The following VAT1L variants were observed in gnomAD, a reference collection of about 807,000 sequenced individuals.
VAT1L encodes putative NADPH-dependent quinone oxidoreductase VAT1L.
VAT1L carries 34 observed loss-of-function variants against 44.1 expected under a neutral mutation model. The ratio of observed to expected loss-of-function variants is 0.77; its 90% confidence interval spans 0.59 to 1.03. The LOEUF is 1.03. Ranked by LOEUF, VAT1L falls within the 50% of genes least tolerant of loss-of-function variation. VAT1L has a pLI of 0.00. For missense variants in VAT1L, 615 were observed against 538.8 expected, an observed-to-expected ratio of 1.14 and a Z score of -1.40; for synonymous variants, 253 against 202.2, an observed-to-expected ratio of 1.25 and a Z score of -2.13.
intron 3 of VAT1L, among the ~76,000 whole-genome samples, chr16:77,856,590 A>G (rs1345197678): frequency 6.6e-6 from 1 of 152,178 alleles, no homozygotes; most frequent in East Asian, 1.9e-4. Context: ...TCTGTCGATC[A>G]GGGTCATATA....
chr16:77,880,961 G>A (rs1046519127), intron 6 of VAT1L, among the ~76,000 whole-genome samples: 1 of 152,126 alleles, frequency 6.6e-6, no homozygotes, highest in African/African-American at 2.4e-5. Flanking sequence ...GTATTCCATG[G>A]TGTATACGTC....
chr16:77,885,364 T>A (rs2017199251), intron 7 of VAT1L, among the ~76,000 whole-genome samples: 1 of 152,136 alleles, frequency 6.6e-6, no homozygotes, highest in Admixed American at 6.5e-5. Context: ...TAAGAACCCC[T>A]AATGGAGCCT....
chr16:77,911,689 G>A (rs2017501055), intron 7 of VAT1L, among the ~76,000 whole-genome samples: 1 of 152,112 alleles, frequency 6.6e-6, no homozygotes, highest in African/African-American at 2.4e-5. Context: ...TGGGGAAGGA[G>A]CTTGCACGTG....
chr16:77,946,047 G>A (rs527844365), intron 7 of VAT1L, among the ~76,000 whole-genome samples: 11 of 152,020 alleles, frequency 7.2e-5, no homozygotes, highest in South Asian at 2.1e-4. Context: ...TGATCTGCCC[G>A]TCTCGGCCTC....
intron 7 of VAT1L, among the ~76,000 whole-genome samples, chr16:77,909,256 G>A (rs547557714): frequency 2.0e-5 from 3 of 152,298 alleles, no homozygotes; most frequent in Admixed American, 1.3e-4. Context: ...TGAAAATTAG[G>A]TGATGATATT....
chr16:77,945,079 C>A (rs74914372), intron 7 of VAT1L, among the ~76,000 whole-genome samples: 7,016 of 152,166 alleles, frequency 0.046, 236 homozygotes, highest in Non-Finnish European at 0.072. Flanking sequence ...TACAGATTAT[C>A]CAGCTTAAGT....
At chr16:77,892,687 C>T (rs2017280628) in intron 7 of VAT1L, 1 of 728,652 alleles carries the variant, frequency 1.4e-6, no homozygotes, top group East Asian at 2.7e-5. Flanking sequence ...AGAACTTCAT[C>T]CTAAAGCATA....
At chr16:77,805,952 T>C (rs141383215) in intron 1 of VAT1L, among the ~76,000 whole-genome samples, 66 of 142,044 alleles carry the variant, frequency 4.6e-4, no homozygotes, top group African/African-American at 1.6e-3. Context: ...AACCACCACC[T>C]CCAGGGTTCA....
chr16:77,963,723 G>A (rs1225399260), intron 7 of VAT1L, among the ~76,000 whole-genome samples: 1 of 151,874 alleles, frequency 6.6e-6, no homozygotes, highest in African/African-American at 2.4e-5. Flanking sequence ...TGAGACTCCC[G>A]TGGCTCCACA....
intron 7 of VAT1L, among the ~76,000 whole-genome samples, chr16:77,943,449 G>T (rs1259625243): frequency 1.4e-5 from 2 of 146,488 alleles, no homozygotes; most frequent in Non-Finnish European, 3.0e-5. Context: ...TCCCGGGCTG[G>T]AGTGCAGCGG....
chr16:77,872,246 A>G (rs899652638), intron 4 of VAT1L, among the ~76,000 whole-genome samples: 2 of 152,024 alleles, frequency 1.3e-5, no homozygotes, highest in African/African-American at 4.8e-5. Context: ...TCCCCTGCGT[A>G]CCCACCTCCA....
rs1567529076 is a variant in VAT1L, at chr16:77,978,432, T to C, written c.*737T>C. On this transcript the variant is annotated 3_prime_UTR_variant, in exon 9 of 9. Coordinates refer to ENST00000302536, the MANE Select transcript of VAT1L (RefSeq NM_020927.3). ...AAAATACATCTCATGGGCAGGATTC[T>C]TCCTGCTCCATATCTGTTTCAATTT... 6.6e-6 allele frequency: 1 copy of C among 152,262 alleles called. No homozygotes were observed. Among genetic ancestry groups the C allele is most frequent in the African/African-American group, 2.4e-5 (1 of 41,464 alleles). 9.4% of individuals were successfully genotyped at this position (152,262 alleles called of 1,614,324 possible).
At chr16:77,952,541 T>C (rs1597118453) in intron 7 of VAT1L, among the ~76,000 whole-genome samples, 1 of 152,060 alleles carries the variant, frequency 6.6e-6, no homozygotes, top group South Asian at 2.1e-4. Context: ...GCTGATCATA[T>C]GCCAGCACTA....
chr16:77,876,559 C>T (rs2017089422), intron 5 of VAT1L, 86 bp downstream of exon 5: 1 of 1,220,264 alleles, frequency 8.2e-7, no homozygotes, highest in South Asian at 1.2e-5. Context: ...GTGAATTGTG[C>T]TGATATGTTG....
At chr16:77,817,599 A>C (rs2016378427) in intron 2 of VAT1L, among the ~76,000 whole-genome samples, 1 of 152,184 alleles carries the variant, frequency 6.6e-6, no homozygotes, top group African/African-American at 2.4e-5. Flanking sequence ...GTAGAACAGA[A>C]CTGGCCATGG....
intron 1 of VAT1L, among the ~76,000 whole-genome samples, chr16:77,790,342 TG>T (rs1336393697): frequency 6.6e-6 from 1 of 152,142 alleles, no homozygotes; most frequent in Non-Finnish European, 1.5e-5. Context: ...TGAACCAAGT[TG>T]TTTGATCCCA....
chr16:77,862,480 G>A (rs1265338512), intron 3 of VAT1L, among the ~76,000 whole-genome samples: 1 of 152,010 alleles, frequency 6.6e-6, no homozygotes, highest in Non-Finnish European at 1.5e-5. Flanking sequence ...ACCGGGCATG[G>A]CAGCATGTGC....
chr16:77,857,250 T>G (rs1415703046), intron 3 of VAT1L, among the ~76,000 whole-genome samples: 1 of 152,222 alleles, frequency 6.6e-6, no homozygotes, highest in African/African-American at 2.4e-5. Flanking sequence ...GCAAGGTCCT[T>G]TTTATTGAAA....
At chr16:77,963,916 C>G (rs1165303556) in intron 7 of VAT1L, among the ~76,000 whole-genome samples, 4 of 152,126 alleles carry the variant, frequency 2.6e-5, no homozygotes, top group African/African-American at 4.8e-5. Flanking sequence ...TGAAGACCTT[C>G]AGAACAAAAC....
Sources: allele counts gnomAD v4.1 joint callset (sites outside exome capture counted in the v4.1 genomes callset), GRCh38; gene constraint gnomAD v4.1.1; transcripts MANE v1.5; gene names NCBI Gene and HGNC (gene_info 2026-07-23, HGNC 2026-07-21).